The following CAMKMT variants were observed in gnomAD, a reference collection of about 807,000 sequenced individuals.
The protein encoded by CAMKMT is CaM KMT.
CAMKMT carries 53 observed loss-of-function variants against 48.0 expected under a neutral mutation model. The observed-to-expected ratio is 1.10, with a 90% CI of 0.89 to 1.39. The LOEUF (loss-of-function observed/expected upper bound fraction) is 1.39. CAMKMT is among the 40% of genes most tolerant of loss of function. The probability of loss-of-function intolerance (pLI) is 0.00; values close to 1 mark genes in which losing one functional copy is unlikely to be tolerated. For missense variants in CAMKMT, 428 were observed against 402.7 expected, an observed-to-expected ratio of 1.06 and a Z score of -0.54; for synonymous variants, 165 against 152.3, an observed-to-expected ratio of 1.08 and a Z score of -0.61.
chr2:44,465,371 GTAGATCGC>G (rs1192554848), intron 3 of CAMKMT, among the ~76,000 whole-genome samples: 1 of 152,154 alleles, frequency 6.6e-6, no homozygotes, highest in African/African-American at 2.4e-5. Flanking sequence ...GCCAAGGCAG[GTAGATCGC>G]TTGAGGTTAG....
intron 3 of CAMKMT, among the ~76,000 whole-genome samples, chr2:44,490,880 T>G (rs1669465617): frequency 6.6e-6 from 1 of 152,128 alleles, no homozygotes; most frequent in Non-Finnish European, 1.5e-5. Context: ...CCAGGTGAGG[T>G]GGCTCACACC....
In CAMKMT at chr2:44,372,819, C is replaced by A. The variant is rs1375312322; in HGVS notation, c.242C>A (p.Thr81Asn). The A allele has an allele frequency of 6.2e-7, 1 of 1,613,876 alleles. No homozygotes were observed. Among genetic ancestry groups the A allele is most frequent in the Admixed American group, 1.7e-5 (1 of 59,990 alleles). Residue 81 changes from threonine (T) to asparagine (N), a missense_variant, in exon 2 of 11, where the codon ACT becomes AAT. Coordinates refer to ENST00000378494, the MANE Select transcript of CAMKMT (RefSeq NM_024766.5). The part of the protein sequence containing the change: ...FSVTEGKERE[T>N]EEEVGAWVQY... ...GTAACAGAAGGCAAAGAAAGGGAAA[C>A]TGAAGAGGAGGTTGGTGCATGGGTC...
At chr2:44,721,903 T>A (rs912605314) in intron 7 of CAMKMT, among the ~76,000 whole-genome samples, 2 of 152,152 alleles carry the variant, frequency 1.3e-5, no homozygotes, top group East Asian at 3.9e-4. Context: ...CCTTCCTCAC[T>A]CCTCCCTCCT....
At chr2:44,503,503 G>A (rs1261000337) in intron 3 of CAMKMT, among the ~76,000 whole-genome samples, 2 of 152,100 alleles carry the variant, frequency 1.3e-5, no homozygotes, top group Non-Finnish European at 2.9e-5. Flanking sequence ...ATTACAGCAG[G>A]CTTGAGATGT....
intron 3 of CAMKMT, among the ~76,000 whole-genome samples, chr2:44,576,456 C>T (rs912129282): frequency 6.6e-6 from 1 of 152,066 alleles, no homozygotes; most frequent in East Asian, 1.9e-4. Context: ...GTTCAGTAGC[C>T]TCAATATATT....
intron 3 of CAMKMT, among the ~76,000 whole-genome samples, chr2:44,606,202 A>G (rs1340509110): frequency 6.6e-6 from 1 of 152,192 alleles, no homozygotes; most frequent in Non-Finnish European, 1.5e-5. Flanking sequence ...TATTAGCCAA[A>G]AGTGATCCCC....
intron 3 of CAMKMT, among the ~76,000 whole-genome samples, chr2:44,658,120 C>T (rs1674473326): frequency 1.3e-5 from 2 of 152,270 alleles, no homozygotes; most frequent in African/African-American, 4.8e-5. Flanking sequence ...ATTGAGCCTC[C>T]TGTGTAAAGC....
At chr2:44,686,189 C>A (rs571121616) in intron 3 of CAMKMT, among the ~76,000 whole-genome samples, 1 of 151,980 alleles carries the variant, frequency 6.6e-6, no homozygotes, top group African/African-American at 2.4e-5. Flanking sequence ...GTCAGGAGAT[C>A]GAGACCATCC....
intron 3 of CAMKMT, among the ~76,000 whole-genome samples, chr2:44,493,352 AAGT>A (rs1669605262): frequency 6.6e-6 from 1 of 152,164 alleles, no homozygotes; most frequent in African/African-American, 2.4e-5. Context: ...TTTGAAAACA[AAGT>A]AGCAAAACTT....
At chr2:44,443,615 T>G (rs1666802704) in intron 3 of CAMKMT, among the ~76,000 whole-genome samples, 1 of 152,212 alleles carries the variant, frequency 6.6e-6, no homozygotes, top group South Asian at 2.1e-4. Flanking sequence ...GTCACCACAG[T>G]TGAAAGGCAT....
intron 3 of CAMKMT, among the ~76,000 whole-genome samples, chr2:44,570,827 T>A (rs1361328674): frequency 2.0e-5 from 3 of 152,228 alleles, no homozygotes; most frequent in Non-Finnish European, 4.4e-5. Flanking sequence ...GGCACAAATT[T>A]GGGGACCATG....
chr2:44,372,762 TAAG>T lies in CAMKMT; in HGVS notation c.190_192del (p.Arg64del). 3 of 1,613,704 alleles carry T rather than the reference TAAG, an allele frequency of 1.9e-6. No individual in the cohort carries two copies. Among genetic ancestry groups the T allele is most frequent in the Admixed American group, 1.7e-5 (1 of 59,892 alleles). The stretch of plus-strand genomic sequence containing the variant: ...GATGATTGCCTGCGACATGTATCTG[TAAG>T]AAGATTTGAATCATTTAATCTGTTT... On this transcript the variant is annotated inframe_deletion, in exon 2 of 11. Coordinates refer to ENST00000378494, the MANE Select transcript of CAMKMT (RefSeq NM_024766.5).
chr2:44,402,740 G>GTTTTTTTTTTTTTTTT, intron 3 of CAMKMT, among the ~76,000 whole-genome samples: 2 of 94,098 alleles, frequency 2.1e-5, no homozygotes, highest in Non-Finnish European at 4.3e-5. Context: ...TTGTTTTGCT[G>GTTTTTTTTTTTTTTTT]TTTTTTTTTT....
In CAMKMT at chr2:44,365,471, A is replaced by T. The variant is rs758942304; in HGVS notation, c.138+3326A>T. On this transcript the variant is annotated intron_variant, in intron 1 of 10. Transcript: ENST00000378494. The stretch of plus-strand genomic sequence containing the variant: ...GAATCAATATCAGTAGAGGTTATGG[A>T]TGTTGTTCTGTTTTCCTCTTTGTTG... 4.5e-4 allele frequency among the ~76,000 whole-genome samples: 69 copies of T among 152,180 alleles called. 1 individual carries two copies. Among genetic ancestry groups the T allele is most frequent in the Admixed American group, 1.0e-3 (16 of 15,274 alleles).
At chr2:44,562,515 G>A (rs957810743) in intron 3 of CAMKMT, among the ~76,000 whole-genome samples, 1 of 152,044 alleles carries the variant, frequency 6.6e-6, no homozygotes, top group African/African-American at 2.4e-5. Flanking sequence ...AGAGAGGTTG[G>A]GTAACTTGCC....
chr2:44,732,180 T>C (rs895984435), intron 7 of CAMKMT, among the ~76,000 whole-genome samples: 2 of 152,164 alleles, frequency 1.3e-5, no homozygotes, highest in African/African-American at 4.8e-5. Flanking sequence ...TCTCAAACTC[T>C]TGGCCTCAAG....
intron 3 of CAMKMT, among the ~76,000 whole-genome samples, chr2:44,510,781 TG>T (rs1177361864): frequency 6.6e-6 from 1 of 152,146 alleles, no homozygotes; most frequent in East Asian, 1.9e-4. Flanking sequence ...GTACCCAGTA[TG>T]TAGTCTTTTA....
At chr2:44,395,314 G>A (rs1681730266) in intron 3 of CAMKMT, among the ~76,000 whole-genome samples, 1 of 151,996 alleles carries the variant, frequency 6.6e-6, no homozygotes, top group Non-Finnish European at 1.5e-5. Flanking sequence ...TAGCATGTGT[G>A]TATACATATG....
chr2:44,444,829 T>C (rs574984769), intron 3 of CAMKMT, among the ~76,000 whole-genome samples: 3 of 152,300 alleles, frequency 2.0e-5, no homozygotes, highest in African/African-American at 7.2e-5. Context: ...TAACTATAGC[T>C]ACCAGTTATC....
Sources: allele counts gnomAD v4.1 joint callset (sites outside exome capture counted in the v4.1 genomes callset), GRCh38; gene constraint gnomAD v4.1.1; transcripts MANE v1.5; gene names NCBI Gene and HGNC (gene_info 2026-07-23, HGNC 2026-07-21).